NRG1: variants seen among roughly 807,000 people sequenced by gnomAD.
NRG1 encodes pro-neuregulin-1, membrane-bound isoform.
NRG1 carries 18 observed loss-of-function variants against 63.8 expected under a neutral mutation model. The ratio of observed to expected loss-of-function variants is 0.28; its 90% CI spans 0.19 to 0.42. The LOEUF is 0.42. Among genes scored for constraint, NRG1 ranks in the 10% least tolerant of loss-of-function variants. The pLI, the probability that NRG1 is intolerant of heterozygous loss-of-function variation, is 1.00. For missense variants in NRG1, 762 were observed against 814.7 expected, an observed-to-expected ratio of 0.94 and a Z score of 0.79; for synonymous variants, 302 against 301.3, an observed-to-expected ratio of 1.00 and a Z score of -0.02.
intron 1 of NRG1, among the ~76,000 whole-genome samples, chr8:31,993,469 A>G (rs569435365): frequency 6.6e-6 from 1 of 152,100 alleles, no homozygotes; most frequent in Admixed American, 6.6e-5. Context: ...TCATGGGGGC[A>G]GTTTCCCCCA....
In NRG1 at chr8:31,791,516, A is replaced by G. The variant is rs116479029; in HGVS notation, c.37+152085A>G. 1.8e-3 allele frequency among the ~76,000 whole-genome samples: 270 copies of G among 152,312 alleles called. 3 individuals are homozygous for G. Among genetic ancestry groups the G allele is most frequent in the African/African-American group, 6.0e-3 (248 of 41,564 alleles). ...TCAATATTTATTCTGCCTTTCTTGT[A>G]TCTCTGTCACTCACAATATTACCTA... On this transcript the variant is annotated intron_variant, in intron 1 of 10. Transcript: ENST00000519301.
intron 1 of NRG1, among the ~76,000 whole-genome samples, chr8:32,519,414 G>A (rs988103135): frequency 2.1e-5 from 3 of 143,330 alleles, no homozygotes; most frequent in Non-Finnish European, 3.1e-5. Flanking sequence ...AATGTAGTAC[G>A]TATAACTGAT....
intron 1 of NRG1, among the ~76,000 whole-genome samples, chr8:31,960,732 G>A (rs1327322747): frequency 6.6e-6 from 1 of 152,232 alleles, no homozygotes; most frequent in Non-Finnish European, 1.5e-5. Flanking sequence ...TTTCCAGTAA[G>A]GGGCTCAGCC....
chr8:32,338,079 A>C (rs995477332), intron 1 of NRG1, among the ~76,000 whole-genome samples: 2 of 152,214 alleles, frequency 1.3e-5, no homozygotes, highest in Admixed American at 1.3e-4. Context: ...CAAATCTGCC[A>C]CACGAAATTT....
At chr8:32,725,390 T>A (rs1821835343) in intron 5 of NRG1, among the ~76,000 whole-genome samples, 2 of 151,690 alleles carry the variant, frequency 1.3e-5, no homozygotes, top group African/African-American at 4.8e-5. Context: ...GCTCCATTTG[T>A]CATCCTATGG....
chr8:32,281,050 C>A (rs1011299665), intron 1 of NRG1, among the ~76,000 whole-genome samples: 2 of 151,654 alleles, frequency 1.3e-5, no homozygotes, highest in African/African-American at 4.8e-5. Context: ...TGAGCCTCAA[C>A]TTTTATTTTA....
At position 32,764,182 on chromosome 8, in the gene NRG1, C is replaced by T. The variant is rs1267529566; in HGVS notation, c.1694C>T (p.Ser565Phe). The change falls in exon 12 of 12, where the codon TCC becomes TTC. Residue 565 changes from serine to phenylalanine, a missense_variant. This residue lies in a region of NRG1 where 503 missense variants were observed against 506.8 expected (regional missense o/e 0.99). Transcript: ENST00000356819. ...TTGGAAGTGGACAGCAACACAAGCTCCCAGAGCAGTAACTCAGAGAGTGAA... is the reference window on the plus strand; with the variant it reads ...TTGGAAGTGGACAGCAACACAAGCTTCCAGAGCAGTAACTCAGAGAGTGAA... 3.1e-6 allele frequency: 5 copies of T among 1,613,976 alleles called. No homozygotes were observed. The Admixed American group carries it at 6.7e-5, about 22-fold the overall frequency.
At chr8:32,576,404 A>G (rs76368397) in intron 1 of NRG1, among the ~76,000 whole-genome samples, 2,781 of 152,256 alleles carry the variant, frequency 0.018, 40 homozygotes, top group Middle Eastern at 0.058. Context: ...AGTGCTAACA[A>G]TTTGAGCCTT....
chr8:32,405,496 A>T (rs1463731820), intron 1 of NRG1, among the ~76,000 whole-genome samples: 1 of 152,214 alleles, frequency 6.6e-6, no homozygotes, highest in Non-Finnish European at 1.5e-5. Flanking sequence ...ATTTGGGAAT[A>T]TAAAACAAAT....
chr8:31,716,186 A>G (rs1812331177), intron 1 of NRG1, among the ~76,000 whole-genome samples: 1 of 152,230 alleles, frequency 6.6e-6, no homozygotes, highest in Admixed American at 6.5e-5. Context: ...TGGAGCATAT[A>G]CTAGCATCAG....
chr8:31,897,339 G>A (rs965346488), intron 1 of NRG1, among the ~76,000 whole-genome samples: 13 of 152,004 alleles, frequency 8.6e-5, no homozygotes, highest in African/African-American at 3.1e-4. Context: ...ACTGTTTATA[G>A]CAATAAGATA....
At chr8:31,739,312 G>A (rs1815027467) in intron 1 of NRG1, among the ~76,000 whole-genome samples, 1 of 151,930 alleles carries the variant, frequency 6.6e-6, no homozygotes, top group South Asian at 2.1e-4. Context: ...CACTGGGGTT[G>A]GTAATGCAAT....
chr8:31,639,664 CGCG>C (rs1803537111), intron 1 of NRG1: 4 of 1,383,636 alleles, frequency 2.9e-6, no homozygotes, highest in African/African-American at 3.1e-5. Flanking sequence ...AGGGCTCGGG[CGCG>C]GCGGCGGCGC....
chr8:31,810,836 A>G (rs904242440), intron 1 of NRG1, among the ~76,000 whole-genome samples: 5 of 152,366 alleles, frequency 3.3e-5, no homozygotes, highest in African/African-American at 1.2e-4. Context: ...GAGGGTGCTG[A>G]ATCATTTCTG....
intron 1 of NRG1, among the ~76,000 whole-genome samples, chr8:31,670,994 T>C (rs1318186314): frequency 6.6e-6 from 1 of 152,198 alleles, no homozygotes; most frequent in Non-Finnish European, 1.5e-5. Context: ...TGTCTATTGT[T>C]CCCATCTTTA....
At chr8:32,060,026 C>T (rs757324665) in intron 1 of NRG1, among the ~76,000 whole-genome samples, 2 of 151,894 alleles carry the variant, frequency 1.3e-5, no homozygotes, top group Non-Finnish European at 2.9e-5. Context: ...TTTTTAGTTT[C>T]TAAGTAGTCT....
chr8:31,980,867 C>T (rs1250529950), intron 1 of NRG1, among the ~76,000 whole-genome samples: 1 of 151,600 alleles, frequency 6.6e-6, no homozygotes, highest in Non-Finnish European at 1.5e-5. Context: ...GAGAATAACA[C>T]GTTGATATCT....
intron 1 of NRG1, among the ~76,000 whole-genome samples, chr8:31,877,873 C>A (rs1430311731): frequency 2.6e-5 from 4 of 152,206 alleles, no homozygotes. Context: ...GAATGACCCA[C>A]TGGATTTTGA....
intron 1 of NRG1, among the ~76,000 whole-genome samples, chr8:31,935,463 G>A (rs1476528423): frequency 6.6e-6 from 1 of 152,020 alleles, no homozygotes; most frequent in Non-Finnish European, 1.5e-5. Context: ...CCCTTATGTT[G>A]CCCAGGCTGG....
Sources: allele counts gnomAD v4.1 joint callset (sites outside exome capture counted in the v4.1 genomes callset), GRCh38; gene constraint gnomAD v4.1.1; regional missense constraint gnomAD v4.1.1; transcripts MANE v1.5; gene names NCBI Gene and HGNC (gene_info 2026-07-23, HGNC 2026-07-21).